COL4A2: variants seen among roughly 807,000 people sequenced by gnomAD.
COL4A2 encodes the protein collagen alpha-2(IV) chain.
Under a neutral mutation model 200.2 loss-of-function variants are expected in COL4A2, and 99 were observed. The ratio of observed to expected loss-of-function variants is 0.49; its 90% CI spans 0.42 to 0.58. The LOEUF is 0.58. COL4A2 is among the 20% of genes least tolerant of loss of function. The pLI is 0.00. For synonymous variants in COL4A2, 897 were observed against 900.6 expected (o/e 1.00, Z 0.07); for missense variants, 1,950 against 2,314.1 (o/e 0.84, Z 3.23).
At chr13:110,498,872 G>A (rs554468908) in intron 40 of COL4A2, among the ~76,000 whole-genome samples, 18 of 152,272 alleles carry the variant, frequency 1.2e-4, no homozygotes, top group South Asian at 2.1e-4. Flanking sequence ...GGACCTGGAC[G>A]GTGTCCCCGG....
chr13:110,322,928 C>T (rs929779476), intron 3 of COL4A2, among the ~76,000 whole-genome samples: 5 of 152,212 alleles, frequency 3.3e-5, no homozygotes, highest in Admixed American at 3.3e-4. Context: ...TGAGGCCGCC[C>T]GAGTCAGGTC....
At chr13:110,366,763 TTGTC>T (rs1184470679) in intron 4 of COL4A2, among the ~76,000 whole-genome samples, 1 of 152,204 alleles carries the variant, frequency 6.6e-6, no homozygotes, top group Non-Finnish European at 1.5e-5. Context: ...GCTGCATACA[TTGTC>T]TGTTACTATC....
intron 4 of COL4A2, among the ~76,000 whole-genome samples, chr13:110,357,756 C>T (rs1877344131): frequency 6.6e-6 from 1 of 152,124 alleles, no homozygotes; most frequent in Non-Finnish European, 1.5e-5. Context: ...AGGCTACAAA[C>T]CTGTACGTAG....
intron 45 of COL4A2, 128 bp downstream of exon 45, chr13:110,504,392 C>T (rs1883769332): frequency 1.4e-6 from 1 of 724,664 alleles, no homozygotes. Context: ...CCCCACCCTC[C>T]TGCTCCTAAT....
chr13:110,394,717 C>T lies in COL4A2; in HGVS notation c.181-30017C>T, dbSNP rs74632813. ...CTGCTGCTGGAGAGGTGGGCTCCTC[C>T]GCGGGTGGGCCGATGAATTACTTGC... On this transcript the variant is annotated intron_variant, in intron 4 of 47. Coordinates refer to ENST00000360467, the MANE Select transcript of COL4A2 (RefSeq NM_001846.4). Among the ~76,000 whole-genome samples, 15 of 152,296 alleles carry T rather than the reference C, an allele frequency of 9.8e-5. No individual in the cohort carries two copies. The East Asian group carries it at 2.1e-3, about 22-fold the overall frequency.
chr13:110,422,542 GGCA>G (rs2139451284), intron 4 of COL4A2, among the ~76,000 whole-genome samples: 1 of 152,290 alleles, frequency 6.6e-6, no homozygotes, highest in East Asian at 1.9e-4. Context: ...GTACTGATGT[GGCA>G]TTGACAGGAC....
intron 4 of COL4A2, among the ~76,000 whole-genome samples, chr13:110,416,250 G>A (rs1289838346): frequency 6.6e-6 from 1 of 152,194 alleles, no homozygotes; most frequent in Non-Finnish European, 1.5e-5. Context: ...CCCATTCGCG[G>A]CCTGACAGCC....
intron 4 of COL4A2, among the ~76,000 whole-genome samples, chr13:110,411,180 G>T (rs118049562): frequency 0.016 from 2,506 of 152,230 alleles, 39 homozygotes; most frequent in Middle Eastern, 0.058. Context: ...CCTCTGCGAA[G>T]CGGCCTCCTG....
intron 28 of COL4A2, among the ~76,000 whole-genome samples, chr13:110,472,254 T>C (rs933658750): frequency 1.3e-5 from 2 of 152,090 alleles, no homozygotes; most frequent in Admixed American, 1.3e-4. Flanking sequence ...TAGCTGGGAC[T>C]ACAGGCATCC....
intron 4 of COL4A2, among the ~76,000 whole-genome samples, chr13:110,403,425 A>G (rs1194509983): frequency 6.6e-6 from 1 of 152,196 alleles, no homozygotes; most frequent in Non-Finnish European, 1.5e-5. Flanking sequence ...ACACAAGTAG[A>G]TGAGCATGAT....
rs201058867 is a variant in COL4A2 at position 110,469,306 on chromosome 13, G to C, written c.2185G>C (p.Gly729Arg). The C allele has an allele frequency of 6.3e-7, 1 of 1,589,386 alleles. No individual in the cohort carries two copies. Among genetic ancestry groups the C allele is most frequent in the Non-Finnish European group, 8.6e-7 (1 of 1,168,006 alleles). The change falls in exon 28 of 48, where the codon GGG becomes CGG. Residue 729 changes from glycine to arginine, a missense_variant. Gly to Arg is a moderately radical substitution (Grantham distance 125). Transcript: ENST00000360467. ...CTTGCCAGGAGACGCAGGTCGTGAA[G>C]GGTTCCCAGGACCCCCAGGTGAGTT... ...RGLPGDAGRE[G>R]FPGPPGFIGP...
intron 28 of COL4A2, among the ~76,000 whole-genome samples, chr13:110,470,177 A>G (rs184148432): frequency 6.6e-6 from 1 of 152,192 alleles, no homozygotes; most frequent in African/African-American, 2.4e-5. Context: ...CAGCCTGCCA[A>G]AGTGCTGGGA....
At position 110,458,862 on chromosome 13, in the gene COL4A2, C is replaced by T. The variant is rs1347125278; in HGVS notation, c.1524C>T (p.Asn508=). ...LPGPKGFAGI[N]GEPGRKGDRG... ...GACCCAAGGGCTTCGCAGGCATCAA[C>T]GGGGAGCCGGGGAGGAAAGGGGACA... The change falls in exon 22 of 48, where the codon AAC becomes AAT. Residue 508 remains asparagine (N), a synonymous_variant. Coordinates refer to ENST00000360467, the MANE Select transcript of COL4A2 (RefSeq NM_001846.4). 2.5e-6 allele frequency: 4 copies of T among 1,612,798 alleles called. No individual in the cohort carries two copies. The highest frequency in any genetic ancestry group is 3.4e-6 in the Non-Finnish European group (4 of 1,179,312).
chr13:110,438,871 C>T (rs1163258724), intron 15 of COL4A2, among the ~76,000 whole-genome samples: 8 of 150,048 alleles, frequency 5.3e-5, no homozygotes, highest in Admixed American at 5.3e-4. Context: ...GCGCTGGCTA[C>T]AATCCGTGAA....
Position 110,308,855 on chromosome 13 carries a change from T to C in COL4A2, c.99+732T>C, listed in dbSNP as rs574950344. ...AGTAGGAGCCACTTTTACTGAGCTT[T>C]ATGTAACCATGGCTAAAATGAAGAG... On this transcript the variant is annotated intron_variant, in intron 3 of 47. Coordinates refer to ENST00000360467, the MANE Select transcript of COL4A2 (RefSeq NM_001846.4). 4.6e-5 allele frequency among the ~76,000 whole-genome samples: 7 copies of C among 152,324 alleles called. No individual in the cohort carries two copies. In the East Asian group the frequency reaches 1.4e-3, roughly 29 times the overall value.
At chr13:110,465,127 T>C (rs1032258503) in intron 24 of COL4A2, among the ~76,000 whole-genome samples, 2 of 152,232 alleles carry the variant, frequency 1.3e-5, no homozygotes, top group Non-Finnish European at 2.9e-5. Context: ...AGGCCCAGGC[T>C]GATGCAGGGG....
intron 22 of COL4A2, 61 bp from the exon 23 acceptor site, chr13:110,462,053 A>G: frequency 3.8e-6 from 6 of 1,599,236 alleles, no homozygotes; most frequent in Middle Eastern, 1.7e-4. Context: ...CTTGCCAGCC[A>G]TCTTCTCAGA....
chr13:110,404,471 G>A (rs1223470880), intron 4 of COL4A2, among the ~76,000 whole-genome samples: 1 of 152,180 alleles, frequency 6.6e-6, no homozygotes, highest in Non-Finnish European at 1.5e-5. Flanking sequence ...CCTGGCAGGG[G>A]GAGGCCAGGA....
At chr13:110,414,541 C>CTGTCTAA (rs904897927) in intron 4 of COL4A2, among the ~76,000 whole-genome samples, 1 of 152,196 alleles carries the variant, frequency 6.6e-6, no homozygotes, top group Admixed American at 6.5e-5. Context: ...AGTGCCCTGC[C>CTGTCTAA]TGATTGCTAA....
Sources: gnomAD v4.1 joint callset for allele counts (sites outside exome capture counted in the v4.1 genomes callset) on GRCh38, gnomAD v4.1.1 for gene constraint, MANE v1.5 for transcripts, NCBI Gene and HGNC (gene_info 2026-07-23, HGNC 2026-07-21) for gene names.